MYO15A: variants seen among roughly 807,000 people sequenced by gnomAD.
The protein encoded by MYO15A is myosin XVA, also known as unconventional myosin-XV.
Under a neutral mutation model 394.6 loss-of-function variants are expected in MYO15A, and 308 were observed. The observed-to-expected ratio is 0.78, with a 90% confidence interval of 0.71 to 0.86. MYO15A has a LOEUF of 0.86. MYO15A is among the 40% of genes least tolerant of loss of function. The pLI, the probability that MYO15A is intolerant of heterozygous loss-of-function variation, is 0.00. For synonymous variants in MYO15A, 1,957 were observed against 2,003.8 expected (o/e 0.98, Z 0.62); for missense variants, 4,606 against 4,799.1 (o/e 0.96, Z 1.19).
intron 1 of MYO15A, among the ~76,000 whole-genome samples, chr17:18,114,937 A>G (rs2045765942): frequency 6.6e-6 from 1 of 152,096 alleles, no homozygotes; most frequent in Admixed American, 6.5e-5. Context: ...CTAGATGCCA[A>G]TGACTCCCTA....
intron 28 of MYO15A, 69 bp downstream of exon 28, chr17:18,144,069 T>G: frequency 2.5e-6 from 4 of 1,606,154 alleles, no homozygotes; most frequent in South Asian, 1.1e-5. Context: ...GACATTGTCC[T>G]TGCCCTGGGG....
In MYO15A at chr17:18,163,835, C is replaced by T. The variant is rs968049260; in HGVS notation, c.9784C>T (p.Arg3262Cys). 2.8e-5 allele frequency: 45 copies of T among 1,613,012 alleles called. No homozygotes were observed. Among genetic ancestry groups the T allele is most frequent in the Non-Finnish European group, 3.5e-5 (41 of 1,179,426 alleles). The change falls in exon 60 of 66, where the codon CGT becomes TGT. Residue 3262 changes from arginine (R) to cysteine (C), a missense_variant. Physicochemically the swap from Arg to Cys is radical, Grantham distance 180 (BLOSUM62 -3). This residue lies in a region of MYO15A where 2,776 missense variants were observed against 3,109.3 expected (regional missense o/e 0.89). Coordinates refer to ENST00000647165, the MANE Select transcript of MYO15A (RefSeq NM_016239.4). ...NEYVIFVVTN[R>C]GQHVCPLSRR... ...ATATGTTATCTTCGTTGTCACCAAC[C>T]GTGGTGAGTGCCAGGAAGACTGAGC...
Position 18,166,342 on chromosome 17 carries a change from G to A in MYO15A, c.9788-19G>A, listed in dbSNP as rs1272288825. Reference sequence around the variant, plus strand: ...TGCACACATGCCCCCACCCAGCCCTGCCTCCCTGCTCTCTGCAGGCCAGCA... The same window carrying A: ...TGCACACATGCCCCCACCCAGCCCTACCTCCCTGCTCTCTGCAGGCCAGCA... On this transcript the variant is annotated intron_variant, in intron 60 of 65. Transcript: ENST00000647165. The A allele has an allele frequency of 1.2e-6, 2 of 1,610,206 alleles. No homozygotes were observed. The highest frequency in any genetic ancestry group is 2.7e-5 in the African/African-American group (2 of 75,014).
intron 42 of MYO15A, 75 bp downstream of exon 42, chr17:18,152,259 C>T (rs1597804962): frequency 6.4e-6 from 9 of 1,414,812 alleles, no homozygotes; most frequent in African/African-American, 4.3e-5. Flanking sequence ...GTGAGTGTGT[C>T]GGTGGAGTGT....
intron 56 of MYO15A, 57 bp downstream of exon 56, chr17:18,160,074 G>GACC: frequency 6.5e-7 from 1 of 1,548,964 alleles, no homozygotes; most frequent in South Asian, 1.1e-5. Context: ...CTCCAGGAGG[G>GACC]ACCAGTTCAG....
intron 9 of MYO15A, 55 bp downstream of exon 9, chr17:18,131,397 TGCCACA>T (rs1050898605): frequency 6.2e-7 from 1 of 1,612,964 alleles, no homozygotes; most frequent in Non-Finnish European, 8.5e-7. Flanking sequence ...TTCCATGTCC[TGCCACA>T]GCCCCTCGGA....
chr17:18,167,776 T>G, intron 62 of MYO15A, 53 bp downstream of exon 62: 1 of 1,597,642 alleles, frequency 6.3e-7, no homozygotes, highest in Non-Finnish European at 8.5e-7. Context: ...CCCTGCCCTC[T>G]CAGCCCACCT....
At chr17:18,167,878 G>C (rs1045732478) in intron 62 of MYO15A, among the ~76,000 whole-genome samples, 155 bp downstream of exon 62, 1 of 152,238 alleles carries the variant, frequency 6.6e-6, no homozygotes, top group African/African-American at 2.4e-5. Flanking sequence ...TTGCCTGGGG[G>C]CTGAAGTCTT....
At chr17:18,136,515 G>T in intron 14 of MYO15A, 40 bp downstream of exon 14, 1 of 1,613,780 alleles carries the variant, frequency 6.2e-7, no homozygotes, top group East Asian at 2.2e-5. Context: ...CCGAGGCCCA[G>T]CACCCCACCA....
intron 2 of MYO15A, chr17:18,124,279 G>T: frequency 1.6e-6 from 1 of 643,988 alleles, no homozygotes; most frequent in South Asian, 1.7e-5. Flanking sequence ...GGGCACTGAG[G>T]GTATGCGTGT....
intron 57 of MYO15A, among the ~76,000 whole-genome samples, chr17:18,161,896 AGG>A (rs77730066): frequency 0.19 from 28,643 of 151,880 alleles, 2,821 homozygotes; most frequent in Middle Eastern, 0.26. Flanking sequence ...ATATGGAGAA[AGG>A]GGGGGCCACT....
At chr17:18,139,425 G>T in intron 18 of MYO15A, 109 bp from the exon 19 acceptor site, 1 of 1,276,818 alleles carries the variant, frequency 7.8e-7, no homozygotes. Flanking sequence ...AGGGAGAATG[G>T]TGGGGGCTGG....
chr17:18,139,610 G>C lies in MYO15A; in HGVS notation c.5210G>C (p.Arg1737Pro), dbSNP rs369518617. The C allele has an allele frequency of 1.2e-6, 2 of 1,613,694 alleles. No individual in the cohort carries two copies. Among genetic ancestry groups the C allele is most frequent in the African/African-American group, 1.3e-5 (1 of 74,906 alleles). ...GACCTGTTCGTACGGAGCCGGACAC[G>C]GGTAAGCCTCGCCTCCCACCGCTCT... ...VLDLFVRSRT[R>P]VVAHLFSSHA... Residue 1737 changes from arginine (R) to proline (P), a missense_variant and splice_region_variant, in exon 19 of 66, where the codon CGG becomes CCG. Arg to Pro is a moderately radical substitution (Grantham distance 103). Transcript: ENST00000647165.
At chr17:18,139,467 C>G in intron 18 of MYO15A, 67 bp from the exon 19 acceptor site, 1 of 1,486,670 alleles carries the variant, frequency 6.7e-7, no homozygotes, top group South Asian at 1.2e-5. Flanking sequence ...GAGGAGGATC[C>G]AGTCCCTCCT....
At chr17:18,145,057 G>T (rs915480468) in intron 29 of MYO15A, among the ~76,000 whole-genome samples, 1 of 152,186 alleles carries the variant, frequency 6.6e-6, no homozygotes, top group Non-Finnish European at 1.5e-5. Flanking sequence ...AGGGAGAGTG[G>T]AGAAAGTACA....
At position 18,138,869 on chromosome 17, in the gene MYO15A, A is replaced by C. The variant is rs772450800; in HGVS notation, c.5066A>C (p.Tyr1689Ser). 4 of 1,613,782 alleles carry C rather than the reference A, an allele frequency of 2.5e-6. No homozygotes were observed. Among genetic ancestry groups the C allele is most frequent in the Non-Finnish European group, 3.4e-6 (4 of 1,179,884 alleles). ...TACCATCATGGCGCCAACCCGCTCT[A>C]TTCCAAACCCAAGATGCCGCTGCCT... ...CHYHHGANPL[Y>S]SKPKMPLPEF... is the part of the protein sequence containing the mutation. The change falls in exon 18 of 66, where the codon TAT (tyrosine) becomes TCT (serine). Residue 1689 changes from tyrosine (Y) to serine (S), a missense_variant. By Grantham distance (144) the Tyr-to-Ser change is moderately radical (BLOSUM62 -2). Transcript: ENST00000647165.
intron 59 of MYO15A, 39 bp from the exon 60 acceptor site, chr17:18,163,703 C>G: frequency 6.3e-7 from 1 of 1,575,264 alleles, no homozygotes; most frequent in Non-Finnish European, 8.7e-7. Context: ...GAGGTCAAGC[C>G]CAACTGGCAT....
rs570587230 is a variant in MYO15A at position 18,162,575 on chromosome 17, G to A, written c.9518-10G>A. The A allele has an allele frequency of 3.8e-4, 612 of 1,613,458 alleles. 5 individuals carry two copies. In the South Asian group the frequency reaches 5.7e-3, roughly 15 times the overall value. ...ACCTTGGGCGAGGCCTGAACTCCCT[G>A]CTTCTGCAGGGATCGCCAAGGCCTG... On this transcript the variant is annotated splice_polypyrimidine_tract_variant and intron_variant, in intron 57 of 65. Coordinates refer to ENST00000647165, the MANE Select transcript of MYO15A (RefSeq NM_016239.4).
chr17:18,124,437 G>A (rs1454919833), intron 2 of MYO15A, 46 bp from the exon 3 acceptor site: 6 of 1,588,650 alleles, frequency 3.8e-6, no homozygotes, highest in South Asian at 1.1e-5. Context: ...AGTGGGGGAG[G>A]GGGGTGCCCT....
Sources: allele counts gnomAD v4.1 joint callset (sites outside exome capture counted in the v4.1 genomes callset), GRCh38; gene constraint gnomAD v4.1.1; regional missense constraint gnomAD v4.1.1; transcripts MANE v1.5; gene names NCBI Gene and HGNC (gene_info 2026-07-23, HGNC 2026-07-21).